The following DCC variants were observed in gnomAD, a reference collection of about 807,000 sequenced individuals.
The protein encoded by DCC is DCC netrin 1 receptor, also known as netrin receptor DCC.
DCC carries 58 observed loss-of-function variants against 172.5 expected under a neutral mutation model. That is an observed-to-expected ratio of 0.34 (90% CI 0.27 to 0.42). The LOEUF (loss-of-function observed/expected upper bound fraction) is 0.42. Ranked by LOEUF, DCC falls within the 10% of genes least tolerant of loss-of-function variation. The pLI, the probability that DCC is intolerant of heterozygous loss-of-function variation, is 1.00. For synonymous variants in DCC, 709 were observed against 644.5 expected (o/e 1.10, Z -1.52); for missense variants, 1,740 against 1,791.0 (o/e 0.97, Z 0.51).
intron 3 of DCC, among the ~76,000 whole-genome samples, chr18:52,922,148 C>T (rs2040136517): frequency 6.6e-6 from 1 of 152,236 alleles, no homozygotes; most frequent in African/African-American, 2.4e-5. Flanking sequence ...AAGATGAACA[C>T]ATTTGGAAAA....
At chr18:52,497,676 A>T (rs1261323992) in intron 1 of DCC, among the ~76,000 whole-genome samples, 2 of 152,110 alleles carry the variant, frequency 1.3e-5, no homozygotes, top group African/African-American at 2.4e-5. Context: ...AAGATCATTA[A>T]GGCAGATATT....
At chr18:53,169,213 T>C (rs1006397156) in intron 8 of DCC, among the ~76,000 whole-genome samples, 1 of 152,238 alleles carries the variant, frequency 6.6e-6, no homozygotes, top group Admixed American at 6.5e-5. Context: ...AGGAACATTA[T>C]GGTTAGTGGG....
chr18:53,093,409 G>A (rs1166408961), intron 7 of DCC, among the ~76,000 whole-genome samples: 1 of 152,172 alleles, frequency 6.6e-6, no homozygotes, highest in African/African-American at 2.4e-5. Flanking sequence ...CTAGGTATAT[G>A]ACATTTGTCA....
intron 27 of DCC, among the ~76,000 whole-genome samples, chr18:53,499,852 G>A (rs565374827): frequency 3.0e-4 from 45 of 152,188 alleles, no homozygotes; most frequent in African/African-American, 9.6e-4. Flanking sequence ...AGTTCTAAGC[G>A]TTAAAGCTAG....
At chr18:52,999,372 G>A (rs2041530748) in intron 5 of DCC, among the ~76,000 whole-genome samples, 1 of 152,000 alleles carries the variant, frequency 6.6e-6, no homozygotes, top group Admixed American at 6.6e-5. Context: ...TATACATGAA[G>A]TTAAATAACC....
At chr18:52,750,855 C>G (rs564866819) in intron 1 of DCC, among the ~76,000 whole-genome samples, 1 of 151,352 alleles carries the variant, frequency 6.6e-6, no homozygotes, top group Admixed American at 6.6e-5. Context: ...GTTCCCATTA[C>G]AGAAAAATGA....
At chr18:53,025,399 G>A (rs1429935355) in intron 5 of DCC, among the ~76,000 whole-genome samples, 16 of 152,050 alleles carry the variant, frequency 1.1e-4, no homozygotes, top group Admixed American at 1.1e-3. Context: ...AGATGAATGG[G>A]TATCAGTTAA....
chr18:53,316,816 A>C (rs2057349002), intron 13 of DCC, among the ~76,000 whole-genome samples: 1 of 152,228 alleles, frequency 6.6e-6, no homozygotes, highest in Non-Finnish European at 1.5e-5. Context: ...GACTTTGCTG[A>C]CATTGCTTAA....
At chr18:53,042,007 G>A (rs779244889) in intron 5 of DCC, among the ~76,000 whole-genome samples, 4 of 151,750 alleles carry the variant, frequency 2.6e-5, no homozygotes, top group Non-Finnish European at 4.4e-5. Context: ...TCTTTTTCTT[G>A]CCAGATTGTC....
chr18:52,506,523 G>A (rs540962958), intron 1 of DCC, among the ~76,000 whole-genome samples: 1 of 152,008 alleles, frequency 6.6e-6, no homozygotes, highest in African/African-American at 2.4e-5. Context: ...GGTTGTATGT[G>A]CTCAGGACAA....
intron 5 of DCC, among the ~76,000 whole-genome samples, chr18:53,022,854 A>C (rs976121046): frequency 6.6e-6 from 1 of 152,082 alleles, no homozygotes; most frequent in Non-Finnish European, 1.5e-5. Flanking sequence ...AAATCAAACA[A>C]TAATAAGTTT....
intron 1 of DCC, among the ~76,000 whole-genome samples, chr18:52,670,500 T>A (rs1038542903): frequency 8.5e-5 from 13 of 152,222 alleles, no homozygotes; most frequent in African/African-American, 2.4e-4. Context: ...GTCTCTTTCC[T>A]ATATAGATTC....
At chr18:53,141,864 T>C (rs1250314123) in intron 7 of DCC, among the ~76,000 whole-genome samples, 3 of 152,232 alleles carry the variant, frequency 2.0e-5, no homozygotes, top group Non-Finnish European at 2.9e-5. Flanking sequence ...TCATCCTTGA[T>C]ACTGTGACCA....
chr18:52,463,350 T>C (rs186612983), intron 1 of DCC, among the ~76,000 whole-genome samples: 1 of 152,214 alleles, frequency 6.6e-6, no homozygotes, highest in East Asian at 1.9e-4. Flanking sequence ...GAGTGGGCGA[T>C]TGGAAACAAT....
intron 2 of DCC, among the ~76,000 whole-genome samples, chr18:52,844,767 C>G (rs948337504): frequency 2.6e-5 from 4 of 152,020 alleles, no homozygotes; most frequent in Non-Finnish European, 4.4e-5. Context: ...TATTCATGAC[C>G]AGTCTTGTGA....
chr18:53,320,579 T>C (rs2057399392), intron 13 of DCC, among the ~76,000 whole-genome samples: 2 of 152,164 alleles, frequency 1.3e-5, no homozygotes, highest in African/African-American at 2.4e-5. Context: ...ATTAGATCAA[T>C]ACCATGTTAA....
chr18:53,014,419 T>C (rs1422707886), intron 5 of DCC, among the ~76,000 whole-genome samples: 1 of 81,856 alleles, frequency 1.2e-5, no homozygotes. Flanking sequence ...TCTCCTAATG[T>C]TATCCCTCCC....
intron 2 of DCC, among the ~76,000 whole-genome samples, chr18:52,802,780 A>G (rs1345987881): frequency 1.3e-5 from 2 of 148,276 alleles, no homozygotes; most frequent in Non-Finnish European, 3.0e-5. Flanking sequence ...TGTAAGGATT[A>G]CAGACAGGCG....
chr18:53,303,702 C>T (rs2057167325), intron 12 of DCC, among the ~76,000 whole-genome samples: 1 of 152,072 alleles, frequency 6.6e-6, no homozygotes, highest in Non-Finnish European at 1.5e-5. Flanking sequence ...GGTCTCTGAG[C>T]CCACAGTAGC....
Sources: gnomAD v4.1 joint callset for allele counts (sites outside exome capture counted in the v4.1 genomes callset) on GRCh38, gnomAD v4.1.1 for gene constraint, MANE v1.5 for transcripts, NCBI Gene and HGNC (gene_info 2026-07-23, HGNC 2026-07-21) for gene names.